ZC4H2: variants seen among roughly 807,000 people sequenced by gnomAD.
ZC4H2 encodes zinc finger C4H2-type containing.
For synonymous variants in ZC4H2, 84 were observed against 66.3 expected, an observed-to-expected ratio of 1.27 and a Z score of -1.30; for missense variants, 137 against 173.9, an observed-to-expected ratio of 0.79 and a Z score of 1.19.
At chrX:64,983,010 C>T (rs77510729) in intron 1 of ZC4H2, among the ~76,000 whole-genome samples, 3 of 111,617 alleles carry the variant, frequency 2.7e-5, no homozygotes, top group East Asian at 5.7e-4. Context: ...ATGTCCTCTC[C>T]TGGGCCTTCA....
At chrX:64,933,263 C>G (rs1238846566) in intron 1 of ZC4H2, among the ~76,000 whole-genome samples, 1 of 111,063 alleles carries the variant, frequency 9.0e-6, no homozygotes, top group Non-Finnish European at 1.9e-5. Flanking sequence ...TTAATTATAT[C>G]CTGATTTTTT....
chrX:65,010,080 T>G (rs1040973210), intron 1 of ZC4H2, among the ~76,000 whole-genome samples: 6 of 112,505 alleles, frequency 5.3e-5, no homozygotes, highest in Non-Finnish European at 1.1e-4. Flanking sequence ...TAGCCTAAAC[T>G]AATGTATAAA....
At position 64,950,191 on chromosome X, in the gene ZC4H2, G is replaced by A. The variant is rs1383111750; in HGVS notation, c.53+26134C>T. Among the ~76,000 whole-genome samples, 3 of 111,807 alleles carry A rather than the reference G, an allele frequency of 2.7e-5. No homozygotes were observed. The South Asian group carries it at 1.1e-3, about 42-fold the overall frequency. ...GTTTCTTAATCCTGAGTTCTAGTTT[G>A]ATTGCACCGTGGTCTGAGAGACAGT... On this transcript the variant is annotated intron_variant, in intron 1 of 4. Coordinates refer to ENST00000374839, the MANE Select transcript of ZC4H2 (RefSeq NM_018684.4).
rs182954805 is a variant in ZC4H2 at position 65,021,550 on chromosome X, T to C, written c.-272+13079A>G. On this transcript the variant is annotated intron_variant, in intron 1 of 4. Coordinates refer to the ZC4H2 transcript ENST00000337990. Reference sequence around the variant, plus strand: ...TGTAGAGGGAAATTTATAGCACTAATTAAATGCCCACAAGGGAAAGCAGGA... The same window carrying C: ...TGTAGAGGGAAATTTATAGCACTAACTAAATGCCCACAAGGGAAAGCAGGA... 7.6e-3 allele frequency among the ~76,000 whole-genome samples: 845 copies of C among 110,906 alleles called. 5 individuals carry two copies. Among genetic ancestry groups the C allele is most frequent in the Middle Eastern group, 0.037 (8 of 214 alleles).
intron 1 of ZC4H2, among the ~76,000 whole-genome samples, chrX:64,931,162 A>G (rs773393450): frequency 6.3e-5 from 7 of 111,866 alleles, no homozygotes; most frequent in Non-Finnish European, 1.1e-4. Context: ...TGTTCATAGT[A>G]CACTTCAATT....
At chrX:64,965,555 A>G (rs1475805505) in intron 1 of ZC4H2, 5 of 292,117 alleles carry the variant, frequency 1.7e-5, no homozygotes, top group Non-Finnish European at 3.2e-5. Context: ...ATCTTTGTGA[A>G]TACGACTTAG....
chrX:64,928,555 G>A (rs1172107868), intron 1 of ZC4H2, among the ~76,000 whole-genome samples: 3 of 110,654 alleles, frequency 2.7e-5, no homozygotes, highest in Non-Finnish European at 3.8e-5. Flanking sequence ...GATGTTAAGC[G>A]GGTTTTTCAT....
intron 1 of ZC4H2, among the ~76,000 whole-genome samples, chrX:64,947,845 CT>C (rs755382195): frequency 0.13 from 12,648 of 100,659 alleles, 1,759 homozygotes; most frequent in African/African-American, 0.41. Flanking sequence ...TGTCACTTCT[CT>C]TTTTTTTTTT....
At chrX:65,007,786 C>T (rs1175995055) in intron 1 of ZC4H2, among the ~76,000 whole-genome samples, 1 of 111,765 alleles carries the variant, frequency 8.9e-6, no homozygotes, top group African/African-American at 3.3e-5. Context: ...CTATCTCTCA[C>T]CATATACAAG....
chrX:64,959,625 A>G (rs1238207160), intron 1 of ZC4H2, among the ~76,000 whole-genome samples: 1 of 108,737 alleles, frequency 9.2e-6, no homozygotes, highest in Non-Finnish European at 1.9e-5. Context: ...AATCATGGTG[A>G]AATCTTTTTG....
At chrX:64,967,650 C>T (rs1464142311) in intron 1 of ZC4H2, among the ~76,000 whole-genome samples, 1 of 111,598 alleles carries the variant, frequency 9.0e-6, no homozygotes, top group East Asian at 2.8e-4. Flanking sequence ...ATTCCCTGGG[C>T]TCGTCAGAAC....
chrX:64,942,481 G>GC lies in ZC4H2; in HGVS notation c.54-20494dup, dbSNP rs778606542. Among the ~76,000 whole-genome samples, 43 of 86,272 alleles carry GC rather than the reference G, an allele frequency of 5.0e-4. 1 individual carries two copies. Among genetic ancestry groups the GC allele is most frequent in the African/African-American group, 9.6e-4 (22 of 22,829 alleles). 74.9% of individuals were successfully genotyped at this position (86,272 alleles called of 115,157 possible). A position where few individuals can be genotyped will look rare whatever the true frequency, so the allele number is the denominator to read the frequency against. On this transcript the variant is annotated intron_variant, in intron 1 of 4. Coordinates refer to ENST00000374839, the MANE Select transcript of ZC4H2 (RefSeq NM_018684.4). ...TTCTCCAAATGCTATCTCTCCCCTTGCCCCCCCACCCCCCAACAGGTCCTG... is the reference window on the plus strand; with the variant it reads ...TTCTCCAAATGCTATCTCTCCCCTTGCCCCCCCCACCCCCCAACAGGTCCTG...
intron 1 of ZC4H2, among the ~76,000 whole-genome samples, chrX:64,923,460 T>C (rs1287187119): frequency 9.1e-6 from 1 of 109,789 alleles, no homozygotes; most frequent in East Asian, 2.9e-4. Flanking sequence ...TCTTCCCCTC[T>C]GCCCCAGTCT....
intron 1 of ZC4H2, among the ~76,000 whole-genome samples, chrX:64,941,434 C>T (rs938022349): frequency 3.0e-4 from 34 of 111,717 alleles, no homozygotes; most frequent in Admixed American, 1.8e-3. Flanking sequence ...ACTATGTTGA[C>T]TAGGAGTGGT....
intron 1 of ZC4H2, among the ~76,000 whole-genome samples, chrX:64,965,222 A>T (rs1436589710): frequency 8.9e-6 from 1 of 111,997 alleles, no homozygotes; most frequent in African/African-American, 3.2e-5. Flanking sequence ...AATAGTCAAA[A>T]TTATTTCTGA....
At chrX:64,965,949 C>CAAAAA (rs148777993) in intron 1 of ZC4H2, among the ~76,000 whole-genome samples, 19 of 37,549 alleles carry the variant, frequency 5.1e-4, no homozygotes, top group African/African-American at 1.5e-3. Context: ...AACAAAGAAG[C>CAAAAA]AAAAAAAAAA....
chrX:65,029,786 G>T (rs1375383552), intron 1 of ZC4H2, among the ~76,000 whole-genome samples: 3 of 110,896 alleles, frequency 2.7e-5, no homozygotes, highest in African/African-American at 6.6e-5. Flanking sequence ...AGGAACATAA[G>T]GTAATAAAGT....
At chrX:65,005,115 A>G (rs1442186581) in intron 1 of ZC4H2, among the ~76,000 whole-genome samples, 1 of 112,058 alleles carries the variant, frequency 8.9e-6, no homozygotes, top group Non-Finnish European at 1.9e-5. Flanking sequence ...TTCTATGCTC[A>G]TGGATAGGAA....
At position 64,995,615 on chromosome X, in the gene ZC4H2, C is replaced by A; in HGVS notation, c.-272+39014G>T. On this transcript the variant is annotated intron_variant, in intron 1 of 4. Coordinates refer to the ZC4H2 transcript ENST00000337990. Reference sequence around the variant, plus strand: ...GCTCAAGCCATCCACCTGCCTTGGCCTCCCAAAGTGCTGGGATTACAGGCG... The same window carrying A: ...GCTCAAGCCATCCACCTGCCTTGGCATCCCAAAGTGCTGGGATTACAGGCG... Among the ~76,000 whole-genome samples the A allele has an allele frequency of 3.6e-5, 4 of 112,528 alleles. No individual in the cohort carries two copies. In the Middle Eastern group the frequency reaches 0.019, roughly 521 times the overall value.
Sources: allele counts gnomAD v4.1 joint callset (sites outside exome capture counted in the v4.1 genomes callset), GRCh38; gene constraint gnomAD v4.1.1; transcripts MANE v1.5; gene names NCBI Gene and HGNC (gene_info 2026-07-23, HGNC 2026-07-21).